The following RAD51B variants were observed in gnomAD, a reference collection of about 807,000 sequenced individuals.
RAD51B encodes the protein RAD51 paralog B.
RAD51B carries 38 observed loss-of-function variants against 42.2 expected under a neutral mutation model. The ratio of observed to expected loss-of-function variants is 0.90; its 90% confidence interval spans 0.70 to 1.18. The LOEUF (loss-of-function observed/expected upper bound fraction) is 1.18. Ranked by LOEUF, RAD51B falls within the 50% of genes most tolerant of loss-of-function variation. The pLI is 0.00. For synonymous variants in RAD51B, 154 were observed against 145.2 expected (o/e 1.06, Z -0.43); for missense variants, 373 against 400.7 (o/e 0.93, Z 0.59).
chr14:68,133,997 C>T (rs2090399596), intron 7 of RAD51B, among the ~76,000 whole-genome samples: 1 of 152,062 alleles, frequency 6.6e-6, no homozygotes, highest in African/African-American at 2.4e-5. Flanking sequence ...GTAATGCATG[C>T]ATTCATTTTT....
chr14:68,427,265 A>G (rs1013186523), intron 9 of RAD51B, among the ~76,000 whole-genome samples: 1 of 152,172 alleles, frequency 6.6e-6, no homozygotes, highest in African/African-American at 2.4e-5. Flanking sequence ...CTCTACACCT[A>G]GTATAGGTGT....
intron 7 of RAD51B, among the ~76,000 whole-genome samples, chr14:68,221,752 C>T (rs954887990): frequency 5.3e-5 from 8 of 152,150 alleles, no homozygotes; most frequent in African/African-American, 9.7e-5. Flanking sequence ...AACAAACAAC[C>T]CACAGAGTGG....
chr14:67,974,340 A>G (rs1032403287), intron 7 of RAD51B, among the ~76,000 whole-genome samples: 20 of 152,204 alleles, frequency 1.3e-4, no homozygotes, highest in Admixed American at 1.1e-3. Flanking sequence ...AATATGTTTA[A>G]AAGCCATTGT....
intron 8 of RAD51B, among the ~76,000 whole-genome samples, chr14:68,332,743 A>G (rs2082375011): frequency 1.1e-5 from 1 of 90,564 alleles, no homozygotes; most frequent in South Asian, 3.9e-4. Flanking sequence ...ACTGAAGTGC[A>G]GAGAGAGAAA....
intron 7 of RAD51B, among the ~76,000 whole-genome samples, chr14:67,949,325 C>G (rs113546721): frequency 6.6e-6 from 1 of 152,170 alleles, no homozygotes; most frequent in Non-Finnish European, 1.5e-5. Flanking sequence ...TATTCTAAAT[C>G]CTTTGTTGTC....
At chr14:67,906,450 A>G (rs1566951760) in intron 7 of RAD51B, among the ~76,000 whole-genome samples, 2 of 151,994 alleles carry the variant, frequency 1.3e-5, no homozygotes, top group Non-Finnish European at 2.9e-5. Context: ...ATTTTTGGGA[A>G]TAGTTTCAGT....
At chr14:67,985,174 G>A (rs1421921620) in intron 7 of RAD51B, among the ~76,000 whole-genome samples, 1 of 152,120 alleles carries the variant, frequency 6.6e-6, no homozygotes, top group African/African-American at 2.4e-5. Context: ...CCATTCATGT[G>A]GTTTTATCCA....
At chr14:67,938,751 C>T (rs946245829) in intron 7 of RAD51B, among the ~76,000 whole-genome samples, 3 of 152,266 alleles carry the variant, frequency 2.0e-5, no homozygotes, top group Non-Finnish European at 4.4e-5. Context: ...AACTTGTGTG[C>T]GTGACAGTGT....
At chr14:68,099,967 T>C (rs2077261470) in intron 7 of RAD51B, among the ~76,000 whole-genome samples, 1 of 152,280 alleles carries the variant, frequency 6.6e-6, no homozygotes, top group African/African-American at 2.4e-5. Context: ...GAATCAAAGA[T>C]AAATAAACAC....
At chr14:67,828,522 C>A (rs1383356417) in intron 3 of RAD51B, among the ~76,000 whole-genome samples, 1 of 152,062 alleles carries the variant, frequency 6.6e-6, no homozygotes, top group East Asian at 1.9e-4. Flanking sequence ...GTTCCAATTA[C>A]TTTTGGCATT....
chr14:68,093,782 C>G (rs1243837445), intron 7 of RAD51B, among the ~76,000 whole-genome samples: 1 of 152,010 alleles, frequency 6.6e-6, no homozygotes, highest in Admixed American at 6.6e-5. Context: ...ATTGCATTTA[C>G]AAAAAAGTAG....
At chr14:67,949,378 C>T (rs140266323) in intron 7 of RAD51B, among the ~76,000 whole-genome samples, 4 of 152,172 alleles carry the variant, frequency 2.6e-5, no homozygotes, top group East Asian at 1.9e-4. Context: ...AATAGTTTCC[C>T]TCTCAAGAAA....
chr14:68,240,365 T>C (rs1242330881), intron 7 of RAD51B, among the ~76,000 whole-genome samples: 1 of 152,226 alleles, frequency 6.6e-6, no homozygotes, highest in Non-Finnish European at 1.5e-5. Context: ...CTGGGGATTG[T>C]CTGTTCAGGA....
chr14:68,207,515 TAG>T (rs1470687191), intron 7 of RAD51B, among the ~76,000 whole-genome samples: 1 of 152,132 alleles, frequency 6.6e-6, no homozygotes, highest in Non-Finnish European at 1.5e-5. Flanking sequence ...AAAATACATC[TAG>T]AGTTTGCCAA....
At chr14:68,084,147 A>G (rs781531739) in intron 7 of RAD51B, among the ~76,000 whole-genome samples, 4 of 152,212 alleles carry the variant, frequency 2.6e-5, no homozygotes, top group Admixed American at 6.5e-5. Flanking sequence ...TTAAATTCCT[A>G]AAGTTGGAAC....
intron 7 of RAD51B, among the ~76,000 whole-genome samples, chr14:68,263,084 A>G (rs1461373385): frequency 1.3e-5 from 2 of 152,198 alleles, no homozygotes; most frequent in African/African-American, 4.8e-5. Flanking sequence ...TCTTTTGAGC[A>G]AGTCTTTTAG....
chr14:68,086,964 C>T (rs1209364798), intron 7 of RAD51B, among the ~76,000 whole-genome samples: 2 of 151,962 alleles, frequency 1.3e-5, no homozygotes, highest in Admixed American at 6.6e-5. Context: ...GATGAAACCT[C>T]ATCTCTACTA....
chr14:68,616,332 A>G (rs908743471), downstream of RAD51B, among the ~76,000 whole-genome samples: 4 of 152,116 alleles, frequency 2.6e-5, no homozygotes, highest in South Asian at 2.1e-4. Context: ...GCTTTCATTT[A>G]TCTCAAAAAG....
intron 7 of RAD51B, among the ~76,000 whole-genome samples, chr14:68,290,941 G>C (rs2048480615): frequency 6.6e-6 from 1 of 151,814 alleles, no homozygotes; most frequent in Admixed American, 6.6e-5. Context: ...TGAGTAGCTA[G>C]GACTACAGGC....
Sources: gnomAD v4.1 joint callset for allele counts (sites outside exome capture counted in the v4.1 genomes callset) on GRCh38, gnomAD v4.1.1 for gene constraint, MANE v1.5 for transcripts, NCBI Gene and HGNC (gene_info 2026-07-23, HGNC 2026-07-21) for gene names.